Variants in CADM2 observed in about 807,000 individuals in gnomAD.
CADM2 encodes cell adhesion molecule 2.
Under a neutral mutation model 49.8 loss-of-function variants are expected in CADM2, and 12 were observed. That is an observed-to-expected ratio of 0.24 (90% confidence interval 0.15 to 0.39). The LOEUF (loss-of-function observed/expected upper bound fraction) is 0.39. Ranked by LOEUF, CADM2 falls within the 10% of genes least tolerant of loss-of-function variation. The probability of loss-of-function intolerance (pLI) is 1.00; values close to 1 mark genes in which losing one functional copy is unlikely to be tolerated. For synonymous variants in CADM2, 214 were observed against 175.4 expected (o/e 1.22, Z -1.74); for missense variants, 378 against 492.3 (o/e 0.77, Z 2.20).
chr3:85,893,979 C>T (rs998866153), intron 5 of CADM2, among the ~76,000 whole-genome samples: 38 of 152,152 alleles, frequency 2.5e-4, no homozygotes, highest in Admixed American at 1.0e-3. Context: ...CCATTTGAGC[C>T]CGCCATCCCA....
chr3:85,137,791 A>G (rs1382940154), intron 1 of CADM2, among the ~76,000 whole-genome samples: 1 of 152,120 alleles, frequency 6.6e-6, no homozygotes, highest in Non-Finnish European at 1.5e-5. Context: ...AGCATTTGAT[A>G]TGGCTTTAAA....
chr3:85,627,596 A>G (rs2064165300), intron 1 of CADM2, among the ~76,000 whole-genome samples: 1 of 152,024 alleles, frequency 6.6e-6, no homozygotes, highest in South Asian at 2.1e-4. Context: ...ATTACAGCAT[A>G]TGAGAACCCG....
chr3:85,418,647 T>C (rs1475994818), intron 1 of CADM2, among the ~76,000 whole-genome samples: 3 of 152,130 alleles, frequency 2.0e-5, no homozygotes, highest in Admixed American at 6.6e-5. Context: ...GAAAAATAGG[T>C]AAATTGTTAA....
chr3:85,586,426 A>G (rs569184290), intron 1 of CADM2, among the ~76,000 whole-genome samples: 170 of 152,232 alleles, frequency 1.1e-3, no homozygotes, highest in African/African-American at 3.9e-3. Context: ...ATTTCTGGTA[A>G]TGAAAATGTG....
intron 1 of CADM2, among the ~76,000 whole-genome samples, chr3:85,034,962 C>G (rs905237105): frequency 6.6e-6 from 1 of 151,630 alleles, no homozygotes; most frequent in Non-Finnish European, 1.5e-5. Context: ...ACCACCACAC[C>G]GGGCTAATTT....
intron 1 of CADM2, among the ~76,000 whole-genome samples, chr3:85,091,149 T>G (rs2037582197): frequency 2.0e-5 from 3 of 152,196 alleles, no homozygotes; most frequent in Admixed American, 1.3e-4. Flanking sequence ...TGTTAGTGGT[T>G]GAGAGGTAGC....
At chr3:85,531,713 A>G (rs79034248) in intron 1 of CADM2, among the ~76,000 whole-genome samples, 1 of 152,030 alleles carries the variant, frequency 6.6e-6, no homozygotes, top group Non-Finnish European at 1.5e-5. Flanking sequence ...ATTTTCCCCC[A>G]GTCTAAAAAT....
chr3:85,537,780 C>T (rs909536781), intron 1 of CADM2, among the ~76,000 whole-genome samples: 5 of 151,906 alleles, frequency 3.3e-5, no homozygotes, highest in African/African-American at 1.2e-4. Flanking sequence ...ACCTATGACT[C>T]CATGTAAAAT....
chr3:85,059,832 C>T (rs1031279790), intron 1 of CADM2, among the ~76,000 whole-genome samples: 1 of 152,140 alleles, frequency 6.6e-6, no homozygotes, highest in African/African-American at 2.4e-5. Context: ...GTAAATTGCC[C>T]AGTCTCAGGT....
chr3:85,395,277 A>C (rs1253949505), intron 1 of CADM2, among the ~76,000 whole-genome samples: 1 of 138,134 alleles, frequency 7.2e-6, no homozygotes, highest in Non-Finnish European at 1.5e-5. Context: ...CAGCCTGGGC[A>C]ATAGAGAAAG....
chr3:85,788,821 C>T (rs934339199), intron 2 of CADM2, among the ~76,000 whole-genome samples: 1 of 151,690 alleles, frequency 6.6e-6, no homozygotes, highest in Non-Finnish European at 1.5e-5. Context: ...TGAAAAAATT[C>T]TGTATTTGAA....
chr3:85,449,435 A>G (rs2037647410), intron 1 of CADM2, among the ~76,000 whole-genome samples: 1 of 152,110 alleles, frequency 6.6e-6, no homozygotes, highest in African/African-American at 2.4e-5. Context: ...AGTTTGGGGA[A>G]TAATTAATTT....
At chr3:85,452,605 AAC>A (rs2037801283) in intron 1 of CADM2, among the ~76,000 whole-genome samples, 1 of 152,132 alleles carries the variant, frequency 6.6e-6, no homozygotes, top group African/African-American at 2.4e-5. Flanking sequence ...AGTTGTTCCA[AAC>A]CATCAGTCTT....
chr3:85,488,697 A>G (rs1576643367), intron 1 of CADM2, among the ~76,000 whole-genome samples: 1 of 151,886 alleles, frequency 6.6e-6, no homozygotes, highest in Non-Finnish European at 1.5e-5. Context: ...ACGCCCAGCT[A>G]ATTTTTGTAT....
At chr3:85,350,207 T>C (rs1388950225) in intron 1 of CADM2, among the ~76,000 whole-genome samples, 1 of 152,172 alleles carries the variant, frequency 6.6e-6, no homozygotes, top group African/African-American at 2.4e-5. Context: ...CCAAATAATA[T>C]CTAGATAAAT....
At chr3:85,502,665 A>G (rs1297702711) in intron 1 of CADM2, among the ~76,000 whole-genome samples, 1 of 152,094 alleles carries the variant, frequency 6.6e-6, no homozygotes, top group Non-Finnish European at 1.5e-5. Flanking sequence ...TAAAACTCTG[A>G]CAGATTATGA....
chr3:85,153,251 G>A (rs2039990172), intron 1 of CADM2, among the ~76,000 whole-genome samples: 1 of 152,176 alleles, frequency 6.6e-6, no homozygotes, highest in African/African-American at 2.4e-5. Context: ...GCCGAAGCAG[G>A]GCGAGGCATT....
intron 1 of CADM2, among the ~76,000 whole-genome samples, chr3:85,534,768 T>A (rs2061390562): frequency 6.6e-6 from 1 of 152,194 alleles, no homozygotes; most frequent in Admixed American, 6.6e-5. Context: ...ATGTAATTTA[T>A]GTTTTGCATA....
In CADM2 at chr3:84,959,123, T is replaced by C; in HGVS notation, c.-485T>C. On this transcript the variant is annotated 5_prime_UTR_variant, in exon 1 of 10. Coordinates refer to ENST00000383699, the MANE Select transcript of CADM2 (RefSeq NM_001167675.2). ...CTGCTTCCACTGCTTCTACCTCCCC[T>C]CCCAGGACCCCGAGACACCCCGGGC... is the stretch of plus-strand genomic sequence containing the variant. The C allele has an allele frequency of 5.2e-6, 1 of 193,576 alleles. No individual in the cohort carries two copies. Among genetic ancestry groups the C allele is most frequent in the Non-Finnish European group, 1.1e-5 (1 of 93,774 alleles). The allele number at this position is 193,576 out of a possible 1,614,324, so 12.0% of individuals were successfully genotyped here.
Sources: allele counts gnomAD v4.1 joint callset (sites outside exome capture counted in the v4.1 genomes callset), GRCh38; gene constraint gnomAD v4.1.1; transcripts MANE v1.5; gene names NCBI Gene and HGNC (gene_info 2026-07-23, HGNC 2026-07-21).